DNAJC3: variants seen among roughly 807,000 people sequenced by gnomAD.
The protein encoded by DNAJC3 is DnaJ heat shock protein family (Hsp40) member C3.
Under a neutral mutation model 68.6 loss-of-function variants are expected in DNAJC3, and 38 were observed. That is an observed-to-expected ratio of 0.55 (90% CI 0.43 to 0.73). DNAJC3 has a LOEUF of 0.73. DNAJC3 is among the 30% of genes least tolerant of loss of function. The pLI, the probability that DNAJC3 is intolerant of heterozygous loss-of-function variation, is 0.00. For missense variants in DNAJC3, 526 were observed against 591.9 expected (o/e 0.89, Z 1.16); for synonymous variants, 203 against 204.0 (o/e 1.00, Z 0.04).
intron 11 of DNAJC3, among the ~76,000 whole-genome samples, chr13:95,788,106 G>A (rs774561703): frequency 4.3e-4 from 66 of 152,096 alleles, no homozygotes; most frequent in Non-Finnish European, 8.4e-4. Context: ...AAAGGAGACA[G>A]AAATGTACTT....
At chr13:95,787,224 T>G in intron 11 of DNAJC3, 69 bp downstream of exon 11, 1 of 1,557,236 alleles carries the variant, frequency 6.4e-7, no homozygotes, top group South Asian at 1.3e-5. Flanking sequence ...GAACATGTGG[T>G]GGGTTCTCCA....
intron 9 of DNAJC3, among the ~76,000 whole-genome samples, chr13:95,780,778 G>T (rs1343346276): frequency 6.6e-6 from 1 of 152,192 alleles, no homozygotes; most frequent in Non-Finnish European, 1.5e-5. Context: ...ACTTTTAGGG[G>T]AATAGGGTGG....
At chr13:95,784,268 C>A (rs1318083060) in intron 9 of DNAJC3, among the ~76,000 whole-genome samples, 1 of 152,114 alleles carries the variant, frequency 6.6e-6, no homozygotes, top group East Asian at 1.9e-4. Flanking sequence ...CCTAGACTAT[C>A]CCCAGATTTG....
chr13:95,746,760 G>A (rs1007722528), intron 4 of DNAJC3, among the ~76,000 whole-genome samples: 27 of 152,108 alleles, frequency 1.8e-4, no homozygotes, highest in African/African-American at 6.3e-4. Context: ...ACAGCCAGGT[G>A]GATATGTTTA....
At chr13:95,691,938 G>T (rs1047259648) in intron 1 of DNAJC3, among the ~76,000 whole-genome samples, 1 of 152,178 alleles carries the variant, frequency 6.6e-6, no homozygotes, top group African/African-American at 2.4e-5. Flanking sequence ...GCCTGCAATC[G>T]CAGGCACTGG....
At chr13:95,765,977 A>T (rs986227771) in intron 9 of DNAJC3, among the ~76,000 whole-genome samples, 2 of 152,216 alleles carry the variant, frequency 1.3e-5, no homozygotes, top group Non-Finnish European at 2.9e-5. Flanking sequence ...AAAGAAAGAA[A>T]GGAAAAGAGC....
intron 4 of DNAJC3, among the ~76,000 whole-genome samples, chr13:95,749,588 G>T (rs1346837841): frequency 6.6e-6 from 1 of 152,148 alleles, no homozygotes; most frequent in Non-Finnish European, 1.5e-5. Flanking sequence ...ATGGGTTGAA[G>T]ATGGGAAACA....
intron 2 of DNAJC3, among the ~76,000 whole-genome samples, chr13:95,722,978 G>T (rs1337617980): frequency 6.6e-6 from 1 of 151,648 alleles, no homozygotes; most frequent in African/African-American, 2.4e-5. Context: ...CTTTTTTTTG[G>T]GCAACTTTTA....
In DNAJC3 at chr13:95,681,104, C is replaced by T. The variant is rs376189372; in HGVS notation, c.82+3767C>T. ...CAGACCACTTAGGGTTTAAGACATG[C>T]ATTTGTGAAGCATTCACGTCCTCTT... is the stretch of plus-strand genomic sequence containing the variant. On this transcript the variant is annotated intron_variant, in intron 1 of 11. Coordinates refer to ENST00000602402, the MANE Select transcript of DNAJC3 (RefSeq NM_006260.5). 1.1e-4 allele frequency among the ~76,000 whole-genome samples: 17 copies of T among 152,308 alleles called. No homozygotes were observed. In the South Asian group the frequency reaches 3.5e-3, roughly 32 times the overall value.
intron 11 of DNAJC3, 146 bp downstream of exon 11, chr13:95,787,301 T>C: frequency 1.0e-6 from 1 of 965,884 alleles, no homozygotes; most frequent in East Asian, 2.6e-5. Context: ...ATGCCTGCCC[T>C]CATTCAGCCC....
At chr13:95,781,740 T>C (rs959784097) in intron 9 of DNAJC3, among the ~76,000 whole-genome samples, 1 of 152,122 alleles carries the variant, frequency 6.6e-6, no homozygotes, top group African/African-American at 2.4e-5. Flanking sequence ...AGGGCTGATA[T>C]ATGTCTGGCT....
At chr13:95,773,508 TTC>T (rs1883211083) in intron 9 of DNAJC3, among the ~76,000 whole-genome samples, 1 of 152,086 alleles carries the variant, frequency 6.6e-6, no homozygotes, top group East Asian at 1.9e-4. Flanking sequence ...TATTAATATT[TTC>T]TGTTTCATCT....
chr13:95,729,694 A>G (rs1218792092), intron 4 of DNAJC3, among the ~76,000 whole-genome samples: 1 of 152,018 alleles, frequency 6.6e-6, no homozygotes, highest in Non-Finnish European at 1.5e-5. Context: ...TTTTTATAGT[A>G]GCCATTCTAA....
At chr13:95,677,445 G>A in intron 1 of DNAJC3, 108 bp downstream of exon 1, 2 of 1,147,536 alleles carry the variant, frequency 1.7e-6, no homozygotes, top group Non-Finnish European at 2.4e-6. Flanking sequence ...GAGGTGGGGC[G>A]AGCGCTGGGG....
intron 4 of DNAJC3, among the ~76,000 whole-genome samples, chr13:95,736,741 A>G (rs1451672818): frequency 6.8e-6 from 1 of 147,236 alleles, no homozygotes; most frequent in African/African-American, 2.5e-5. Flanking sequence ...GGGGTTTTCT[A>G]GATATACAAT....
intron 2 of DNAJC3, among the ~76,000 whole-genome samples, chr13:95,722,795 G>T (rs1203587563): frequency 9.5e-6 from 1 of 104,868 alleles, no homozygotes; most frequent in Non-Finnish European, 1.8e-5. Context: ...GCTCCAACCT[G>T]GGTGACAGAC....
chr13:95,721,753 T>C (rs1392837423), intron 2 of DNAJC3, among the ~76,000 whole-genome samples: 2 of 152,128 alleles, frequency 1.3e-5, no homozygotes, highest in African/African-American at 4.8e-5. Context: ...GGTGAGCATC[T>C]TTTCATGTGC....
chr13:95,686,979 T>A (rs1745148749), intron 1 of DNAJC3, among the ~76,000 whole-genome samples: 1 of 152,224 alleles, frequency 6.6e-6, no homozygotes, highest in African/African-American at 2.4e-5. Flanking sequence ...AGTATGGTTA[T>A]TTTAATGATA....
intron 2 of DNAJC3, among the ~76,000 whole-genome samples, chr13:95,715,483 CTTT>C (rs374834820): frequency 2.9e-5 from 4 of 138,978 alleles, no homozygotes; most frequent in South Asian, 2.3e-4. Flanking sequence ...GTTTCTTTTT[CTTT>C]TTTTTTTTTT....
Sources: allele counts gnomAD v4.1 joint callset (sites outside exome capture counted in the v4.1 genomes callset), GRCh38; gene constraint gnomAD v4.1.1; transcripts MANE v1.5; gene names NCBI Gene and HGNC (gene_info 2026-07-23, HGNC 2026-07-21).